DLGAP1: variants seen among roughly 807,000 people sequenced by gnomAD.
DLGAP1 encodes the protein disks large-associated protein 1.
DLGAP1 carries 11 observed loss-of-function variants against 90.8 expected under a neutral mutation model. That is an observed-to-expected ratio of 0.12 (90% CI 0.08 to 0.20). DLGAP1 has a LOEUF of 0.20. DLGAP1 is among the 10% of genes least tolerant of loss of function. DLGAP1 has a pLI of 1.00. For missense variants in DLGAP1, 1,050 were observed against 1,333.8 expected, an observed-to-expected ratio of 0.79 and a Z score of 3.31; for synonymous variants, 558 against 540.7, an observed-to-expected ratio of 1.03 and a Z score of -0.44.
chr18:3,877,753 TCTA>T (rs140684979), intron 4 of DLGAP1, among the ~76,000 whole-genome samples: 1,642 of 152,360 alleles, frequency 0.011, 21 homozygotes, highest in Middle Eastern at 0.041. Context: ...TTTCTTTGTG[TCTA>T]CTTTTTCATA....
chr18:4,186,109 G>A (rs962177355), intron 1 of DLGAP1, among the ~76,000 whole-genome samples: 2 of 151,890 alleles, frequency 1.3e-5, no homozygotes, highest in East Asian at 1.9e-4. Flanking sequence ...CCTGTCACTT[G>A]CCCACTTTTT....
At chr18:3,792,627 C>T (rs1290204665) in intron 5 of DLGAP1, among the ~76,000 whole-genome samples, 2 of 152,184 alleles carry the variant, frequency 1.3e-5, no homozygotes, top group Admixed American at 6.5e-5. Context: ...GCCTCCACTG[C>T]AGACCAGAAG....
At chr18:3,834,066 G>A (rs1179829418) in intron 4 of DLGAP1, among the ~76,000 whole-genome samples, 1 of 152,086 alleles carries the variant, frequency 6.6e-6, no homozygotes, top group East Asian at 1.9e-4. Context: ...CAGCACTTTG[G>A]GAGGCCGAGG....
chr18:3,993,938 A>G (rs974485377), intron 3 of DLGAP1, among the ~76,000 whole-genome samples: 4 of 151,770 alleles, frequency 2.6e-5, no homozygotes, highest in Non-Finnish European at 4.4e-5. Flanking sequence ...TCTGTCTAAA[A>G]GCCTGACATG....
chr18:4,420,197 T>C (rs1349757882), intron 1 of DLGAP1, among the ~76,000 whole-genome samples: 4 of 152,124 alleles, frequency 2.6e-5, no homozygotes, highest in Non-Finnish European at 5.9e-5. Flanking sequence ...CAAAATCTGA[T>C]AAAAATGAAA....
chr18:4,191,216 T>G (rs1034165921), intron 1 of DLGAP1, among the ~76,000 whole-genome samples: 3 of 152,188 alleles, frequency 2.0e-5, no homozygotes, highest in African/African-American at 7.2e-5. Flanking sequence ...TTACATTGAT[T>G]TTGTTTCTAC....
chr18:4,063,492 G>C (rs1016402170), intron 2 of DLGAP1, among the ~76,000 whole-genome samples: 1 of 152,012 alleles, frequency 6.6e-6, no homozygotes, highest in East Asian at 1.9e-4. Context: ...AACAGCTATT[G>C]GTTGGCCACC....
intron 4 of DLGAP1, among the ~76,000 whole-genome samples, chr18:3,842,027 AGAG>A (rs1343436255): frequency 2.0e-5 from 3 of 150,990 alleles, no homozygotes; most frequent in Admixed American, 2.0e-4. Flanking sequence ...TTGGCCAGTC[AGAG>A]AAGGCTTCCA....
rs1370552234 is a variant in DLGAP1, at chr18:3,526,706, C to G, written c.2479+7488G>C. The stretch of plus-strand genomic sequence containing the variant: ...GAAACCTGAGCCTATGTTCTTTCCC[C>G]ACAGTGGTAGACTGCATTCCTAGTT... On this transcript the variant is annotated intron_variant, in intron 10 of 12. Coordinates refer to ENST00000315677, the MANE Select transcript of DLGAP1 (RefSeq NM_004746.4). The surrounding 1 kb of genome is among the most constrained non-coding windows in gnomAD (Gnocchi z 4.7). Among the ~76,000 whole-genome samples, 2 of 152,196 alleles carry G rather than the reference C, an allele frequency of 1.3e-5. No homozygotes were observed. The highest frequency in any genetic ancestry group is 4.8e-5 in the African/African-American group (2 of 41,428).
At chr18:4,321,716 G>T (rs1452499340) in intron 1 of DLGAP1, among the ~76,000 whole-genome samples, 2 of 152,146 alleles carry the variant, frequency 1.3e-5, no homozygotes, top group East Asian at 1.9e-4. Context: ...ATGGCTACAA[G>T]AACTTACTAT....
chr18:3,750,733 T>A (rs1421086450), intron 5 of DLGAP1, among the ~76,000 whole-genome samples: 1 of 152,172 alleles, frequency 6.6e-6, no homozygotes, highest in East Asian at 1.9e-4. Context: ...CTTTACCTGA[T>A]TTTCCAGTCT....
At chr18:3,611,780 G>T (rs57991596) in intron 7 of DLGAP1, among the ~76,000 whole-genome samples, 1 of 152,008 alleles carries the variant, frequency 6.6e-6, no homozygotes, top group Non-Finnish European at 1.5e-5. Flanking sequence ...AAACAAAAAA[G>T]CTTACAAGTA....
At chr18:3,721,071 G>C (rs1345263216) in intron 7 of DLGAP1, among the ~76,000 whole-genome samples, 1 of 151,676 alleles carries the variant, frequency 6.6e-6, no homozygotes, top group Admixed American at 6.6e-5. Flanking sequence ...AAAAAAAGGT[G>C]TCTGTGGAGG....
chr18:3,798,976 C>T (rs1240018813), intron 5 of DLGAP1, among the ~76,000 whole-genome samples: 3 of 151,920 alleles, frequency 2.0e-5, no homozygotes, highest in South Asian at 2.1e-4. Flanking sequence ...CAGGTTCAAG[C>T]GAGTCTCCTG....
At chr18:3,624,004 GC>G (rs1567853853) in intron 7 of DLGAP1, among the ~76,000 whole-genome samples, 2 of 152,020 alleles carry the variant, frequency 1.3e-5, no homozygotes. Context: ...CCAGACAGCT[GC>G]TGCCACATTC....
At chr18:3,583,295 GTC>G (rs2055678381) in intron 7 of DLGAP1, among the ~76,000 whole-genome samples, 2 of 138,950 alleles carry the variant, frequency 1.4e-5, no homozygotes, top group Non-Finnish European at 3.0e-5. Flanking sequence ...CCCTCCTTCA[GTC>G]TTTTTCTTTT....
intron 1 of DLGAP1, among the ~76,000 whole-genome samples, chr18:4,254,635 A>G (rs2078850794): frequency 6.6e-6 from 1 of 152,074 alleles, no homozygotes; most frequent in Non-Finnish European, 1.5e-5. Context: ...AGACATTGAG[A>G]CCAAATTCTA....
chr18:3,608,290 C>A (rs1483486901), intron 7 of DLGAP1: 1 of 3,216 alleles, frequency 3.1e-4, no homozygotes, highest in Admixed American at 6.8e-3. Flanking sequence ...CCACTGCACT[C>A]CCGTCTGGGC....
intron 5 of DLGAP1, among the ~76,000 whole-genome samples, chr18:3,782,662 A>G (rs2065253321): frequency 6.6e-6 from 1 of 152,220 alleles, no homozygotes; most frequent in Non-Finnish European, 1.5e-5. Context: ...GCTATCAAAC[A>G]TCTTTACAGA....
Sources: allele counts gnomAD v4.1 joint callset (sites outside exome capture counted in the v4.1 genomes callset), GRCh38; gene constraint gnomAD v4.1.1; non-coding constraint Gnocchi (gnomAD v3.1); transcripts MANE v1.5; gene names NCBI Gene and HGNC (gene_info 2026-07-23, HGNC 2026-07-21).